LMLN: variants seen among roughly 807,000 people sequenced by gnomAD.
LMLN encodes the protein leishmanolysin like peptidase.
A neutral mutation model predicts 92.3 loss-of-function variants in LMLN; 70 were observed. The ratio of observed to expected loss-of-function variants is 0.76; its 90% CI spans 0.63 to 0.92. The LOEUF is 0.92. Among genes scored for constraint, LMLN ranks in the 40% least tolerant of loss-of-function variants. The pLI, the probability that LMLN is intolerant of heterozygous loss-of-function variation, is 0.00. For synonymous variants in LMLN, 308 were observed against 296.2 expected (o/e 1.04, Z -0.41); for missense variants, 691 against 814.6 (o/e 0.85, Z 1.85).
At chr3:197,974,963 C>T (rs1208767943) in intron 2 of LMLN, 79 bp from the exon 3 acceptor site, 2 of 945,848 alleles carry the variant, frequency 2.1e-6, no homozygotes, top group South Asian at 2.8e-5. Context: ...GCTGGTTGCC[C>T]ATTTTTATGG....
Position 198,042,323 on chromosome 3 carries a change from T to G in LMLN, c.*3656T>G, listed in dbSNP as rs1723429754. The G allele has an allele frequency of 6.6e-6, 1 of 151,762 alleles. No homozygotes were observed. Among genetic ancestry groups the G allele is most frequent in the African/African-American group, 2.4e-5 (1 of 41,268 alleles). The allele number at this position is 151,762 out of a possible 1,614,324, so 9.4% of individuals were successfully genotyped here. ...CAAGCAGATCACGAGATCAGGAGTT[T>G]GAGGTTACAGTGAGCTGATCGCACC... On this transcript the variant is annotated 3_prime_UTR_variant, in exon 16 of 16. Coordinates refer to ENST00000330198, the Ensembl canonical transcript of LMLN. The surrounding 1 kb of genome is among the most constrained non-coding windows in gnomAD (Gnocchi z 4.2).
chr3:198,011,100 T>G (rs1334162223), intron 11 of LMLN, among the ~76,000 whole-genome samples: 1 of 152,026 alleles, frequency 6.6e-6, no homozygotes, highest in East Asian at 1.9e-4. Context: ...CAAGATATGG[T>G]CTTATCTTGA....
At chr3:197,968,074 A>G (rs544245534) in intron 1 of LMLN, among the ~76,000 whole-genome samples, 1 of 152,330 alleles carries the variant, frequency 6.6e-6, no homozygotes, top group South Asian at 2.1e-4. Flanking sequence ...ATCAATTTAT[A>G]CAGTTAGATA....
chr3:197,993,809 C>T (rs1721945264), intron 9 of LMLN, among the ~76,000 whole-genome samples: 1 of 152,054 alleles, frequency 6.6e-6, no homozygotes, highest in Non-Finnish European at 1.5e-5. Flanking sequence ...GCAAAAAGAA[C>T]AAAGCTGTTC....
intron 9 of LMLN, among the ~76,000 whole-genome samples, chr3:197,991,712 A>G (rs1721875973): frequency 1.3e-5 from 2 of 152,148 alleles, no homozygotes; most frequent in African/African-American, 2.4e-5. Context: ...TTTGGGTACC[A>G]TGGCTATTCT....
At chr3:197,995,321 TAGTTA>T (rs891199901) in intron 9 of LMLN, among the ~76,000 whole-genome samples, 63 of 152,196 alleles carry the variant, frequency 4.1e-4, no homozygotes, top group Admixed American at 4.1e-3. Flanking sequence ...AGGCTATTAA[TAGTTA>T]AGTTATGGGG....
chr3:197,971,027 G>A (rs1721209031), intron 1 of LMLN, among the ~76,000 whole-genome samples: 1 of 152,122 alleles, frequency 6.6e-6, no homozygotes, highest in Non-Finnish European at 1.5e-5. Context: ...TACTTTCATT[G>A]GATATAGACT....
In LMLN at chr3:197,996,779, GT is replaced by G. The variant is rs530391843; in HGVS notation, c.1155+503del. 5.9e-5 allele frequency among the ~76,000 whole-genome samples: 9 copies of G among 152,170 alleles called. No homozygotes were observed. The South Asian group carries it at 1.9e-3, about 32-fold the overall frequency. On this transcript the variant is annotated intron_variant, in intron 10 of 15. Coordinates refer to ENST00000330198, the Ensembl canonical transcript of LMLN. ...TCTAGTATTTTATTAAAATTTTTAT[GT>G]TTTTTAGAGACAGGGCCTCACTGTG...
intron 14 of LMLN, among the ~76,000 whole-genome samples, chr3:198,030,368 C>T (rs569157515): frequency 1.3e-5 from 2 of 152,130 alleles, no homozygotes; most frequent in Non-Finnish European, 2.9e-5. Context: ...GCAGACGTGG[C>T]GCCTGGTAGC....
rs375249665 is a variant in LMLN, at chr3:197,999,234, T to C, written c.1156-32T>C. 2.7e-6 allele frequency: 4 copies of C among 1,479,940 alleles called. No individual in the cohort carries two copies. In the African/African-American group the frequency reaches 4.2e-5, roughly 15 times the overall value. 91.7% of individuals were successfully genotyped at this position (1,479,940 alleles called of 1,614,324 possible). A position where few individuals can be genotyped will look rare whatever the true frequency, so the allele number is the denominator to read the frequency against. On this transcript the variant is annotated intron_variant, in intron 10 of 15. Coordinates refer to ENST00000330198, the Ensembl canonical transcript of LMLN. ...AAAATATTAGGAGTTGCAGAGAATC[T>C]AGTCTAATTAAACCCTGTTGGTGAT...
chr3:198,002,980 G>A, intron 11 of LMLN, 35 bp from the exon 12 acceptor site: 4 of 1,175,712 alleles, frequency 3.4e-6, no homozygotes, highest in Non-Finnish European at 4.9e-6. Context: ...TGAAAGGACA[G>A]CAGTAAAAAT....
chr3:198,011,213 G>A (rs1462587598), intron 11 of LMLN, among the ~76,000 whole-genome samples: 1 of 150,538 alleles, frequency 6.6e-6, no homozygotes, highest in Non-Finnish European at 1.5e-5. Flanking sequence ...ATGTTGGTGT[G>A]CTGCACCCAT....
intron 11 of LMLN, among the ~76,000 whole-genome samples, chr3:198,013,457 C>T (rs1722512902): frequency 1.5e-5 from 2 of 135,280 alleles, no homozygotes; most frequent in Non-Finnish European, 3.2e-5. Flanking sequence ...AGTCTGACTT[C>T]TCTCCACCCA....
At chr3:197,975,543 A>C (rs1721348831) in intron 3 of LMLN, among the ~76,000 whole-genome samples, 1 of 152,166 alleles carries the variant, frequency 6.6e-6, no homozygotes, top group Non-Finnish European at 1.5e-5. Flanking sequence ...GCACACATGC[A>C]CACACACAAA....
At chr3:197,966,416 C>T (rs1156928084) in intron 1 of LMLN, among the ~76,000 whole-genome samples, 1 of 152,108 alleles carries the variant, frequency 6.6e-6, no homozygotes, top group Non-Finnish European at 1.5e-5. Flanking sequence ...GAGTAGACAT[C>T]CTTGTCTTGT....
At chr3:197,991,111 CTT>C (rs56713833) in intron 9 of LMLN, among the ~76,000 whole-genome samples, 85 of 137,706 alleles carry the variant, frequency 6.2e-4, no homozygotes, top group Non-Finnish European at 6.9e-4. Flanking sequence ...TTCTTTCTTT[CTT>C]TTTTTTTTTT....
At chr3:197,973,658 C>T (rs2109853953) in intron 1 of LMLN, among the ~76,000 whole-genome samples, 1 of 152,218 alleles carries the variant, frequency 6.6e-6, no homozygotes, top group Non-Finnish European at 1.5e-5. Context: ...GCAGAGCAGG[C>T]AATACGTATT....
At position 198,038,691 on chromosome 3, in the gene LMLN, A is replaced by T. The variant is rs748177909; in HGVS notation, c.*24A>T. The T allele has an allele frequency of 3.3e-6, 5 of 1,512,940 alleles. No homozygotes were observed. The Admixed American group carries it at 6.7e-5, about 20-fold the overall frequency. 93.7% of individuals were successfully genotyped at this position (1,512,940 alleles called of 1,614,324 possible). Reference sequence around the variant, plus strand: ...AGGAATGGAAAAGTGGATCTTCAAGATATTCTTTTATGTTATGTTCTTGTG... The same window carrying T: ...AGGAATGGAAAAGTGGATCTTCAAGTTATTCTTTTATGTTATGTTCTTGTG... On this transcript the variant is annotated 3_prime_UTR_variant, in exon 16 of 16. Transcript: ENST00000330198.
intron 1 of LMLN, among the ~76,000 whole-genome samples, chr3:197,964,306 T>C (rs559181441): frequency 1.1e-4 from 16 of 152,292 alleles, no homozygotes; most frequent in African/African-American, 3.4e-4. Context: ...TTCAAAGATA[T>C]AAATTTCTAA....
Sources: allele counts gnomAD v4.1 joint callset (sites outside exome capture counted in the v4.1 genomes callset), GRCh38; gene constraint gnomAD v4.1.1; non-coding constraint Gnocchi (gnomAD v3.1); transcripts MANE v1.5; gene names NCBI Gene and HGNC (gene_info 2026-07-23, HGNC 2026-07-21).